The following KCNG2 variants were observed in gnomAD, a reference collection of about 807,000 sequenced individuals.
The protein encoded by KCNG2 is potassium voltage-gated channel modifier subfamily G member 2.
KCNG2 carries 7 observed loss-of-function variants against 12.3 expected under a neutral mutation model. The observed-to-expected ratio is 0.57, with a 90% CI of 0.32 to 1.07. KCNG2 has a LOEUF of 1.07. Ranked by LOEUF, KCNG2 falls within the 50% of genes least tolerant of loss-of-function variation. The probability of loss-of-function intolerance (pLI) is 0.04; values close to 1 mark genes in which losing one functional copy is unlikely to be tolerated. For missense variants in KCNG2, 703 were observed against 726.0 expected (o/e 0.97, Z 0.36); for synonymous variants, 414 against 351.4 (o/e 1.18, Z -1.99).
At chr18:79,890,934 C>G (rs1467071973) in intron 3 of KCNG2, among the ~76,000 whole-genome samples, 3 of 118,836 alleles carry the variant, frequency 2.5e-5, no homozygotes, top group Admixed American at 1.7e-4. Context: ...TGATTCTAGT[C>G]AATGGAATTT....
chr18:79,820,201 CTGTT>C (rs1377135194), intron 1 of KCNG2, among the ~76,000 whole-genome samples: 1 of 152,242 alleles, frequency 6.6e-6, no homozygotes, highest in Non-Finnish European at 1.5e-5. Context: ...CTTGTATCCT[CTGTT>C]TGAGTCCCTG....
Position 79,899,333 on chromosome 18 carries a change from G to A in KCNG2, c.918G>A (p.Leu306=), listed in dbSNP as rs764547058. ...TGATGCGCCTGGCGCGCCACTCGCT[G>A]GGGCTGCGTTCGCTGGGCCTGACCA... is the stretch of plus-strand genomic sequence containing the variant. The part of the protein sequence containing the change: ...LYVMRLARHS[L]GLRSLGLTMR... Residue 306 remains leucine (L), a synonymous_variant, in exon 4 of 4, where the codon CTG becomes CTA. Transcript: ENST00000316249. 1 of 1,552,662 alleles carries A rather than the reference G, an allele frequency of 6.4e-7. No individual in the cohort carries two copies. The highest frequency in any genetic ancestry group is 8.6e-7 in the Non-Finnish European group (1 of 1,158,186).
chr18:79,896,025 G>C (rs1236736083), intron 3 of KCNG2, among the ~76,000 whole-genome samples: 1 of 152,202 alleles, frequency 6.6e-6, no homozygotes, highest in East Asian at 1.9e-4. Flanking sequence ...GAGTGCAGTG[G>C]CACAATCTCT....
At chr18:79,801,358 C>T (rs981413374) in intron 1 of KCNG2, among the ~76,000 whole-genome samples, 1 of 152,256 alleles carries the variant, frequency 6.6e-6, no homozygotes, top group Non-Finnish European at 1.5e-5. Context: ...GCGTCCTCCT[C>T]CCCCGAGGGG....
rs954428789 is a variant in KCNG2, at chr18:79,899,573, G to A, written c.1158G>A (p.Ala386=). The A allele has an allele frequency of 4.6e-5, 73 of 1,600,070 alleles. No homozygotes were observed. The highest frequency in any genetic ancestry group is 3.1e-5 in the Non-Finnish European group (36 of 1,173,488). Residue 386 remains alanine (A), a synonymous_variant, in exon 4 of 4, where the codon GCG becomes GCA. Transcript: ENST00000316249. The part of the protein sequence containing the change: ...VPRSLPGQVV[A]LSSILSGILL... ...GCAGCCTGCCCGGGCAGGTGGTGGCGCTCAGCAGCATCCTCAGCGGCATCC... is the reference window on the plus strand; with the variant it reads ...GCAGCCTGCCCGGGCAGGTGGTGGCACTCAGCAGCATCCTCAGCGGCATCC...
intron 1 of KCNG2, among the ~76,000 whole-genome samples, chr18:79,821,873 T>G (rs978082845): frequency 6.6e-6 from 1 of 152,272 alleles, no homozygotes; most frequent in Non-Finnish European, 1.5e-5. Context: ...CCTCTATCAT[T>G]GCCCTTCTTT....
Position 79,863,677 on chromosome 18 carries a change from T to TG in KCNG2, c.12dup (p.Pro5AlafsTer56). 2.5e-6 allele frequency: 3 copies of TG among 1,203,862 alleles called. No homozygotes were observed. The highest frequency in any genetic ancestry group is 3.1e-6 in the Non-Finnish European group (3 of 970,406). The allele number at this position is 1,203,862 out of a possible 1,614,324, so 74.6% of individuals were successfully genotyped here. The stretch of plus-strand genomic sequence containing the variant: ...CGGTCCGGCCCTGCGCATGGAGCCA[T>TG]GGCCCTGCTCCCCGGGCGGCGGCGG... On this transcript the variant is annotated frameshift_variant, in exon 3 of 4. Coordinates refer to ENST00000316249, the MANE Select transcript of KCNG2 (RefSeq NM_012283.2). LOFTEE classifies it high-confidence loss of function.
At chr18:79,837,828 C>A (rs1978349233) in intron 1 of KCNG2, among the ~76,000 whole-genome samples, 2 of 152,186 alleles carry the variant, frequency 1.3e-5, no homozygotes, top group Admixed American at 1.3e-4. Context: ...AAAGTTGTGT[C>A]CACATTTTCA....
At chr18:79,875,286 A>G (rs1478212604) in intron 3 of KCNG2, among the ~76,000 whole-genome samples, 1 of 152,082 alleles carries the variant, frequency 6.6e-6, no homozygotes, top group Non-Finnish European at 1.5e-5. Flanking sequence ...CCAGAGCCCA[A>G]ATCTGAACAG....
At chr18:79,871,070 G>A (rs952243473) in intron 3 of KCNG2, among the ~76,000 whole-genome samples, 4 of 151,886 alleles carry the variant, frequency 2.6e-5, no homozygotes, top group East Asian at 1.9e-4. Flanking sequence ...GGTTTCCGTC[G>A]AGCCTGAGGC....
intron 2 of KCNG2, among the ~76,000 whole-genome samples, chr18:79,859,058 A>C (rs958213949): frequency 6.6e-6 from 1 of 152,028 alleles, no homozygotes; most frequent in African/African-American, 2.4e-5. Context: ...GATATACAAG[A>C]GTTTCATTGG....
chr18:79,837,284 C>T (rs1402096364), intron 1 of KCNG2, among the ~76,000 whole-genome samples: 1 of 152,236 alleles, frequency 6.6e-6, no homozygotes, highest in Non-Finnish European at 1.5e-5. Flanking sequence ...CTCCCATGGC[C>T]TTGGGCAGCT....
intron 3 of KCNG2, among the ~76,000 whole-genome samples, chr18:79,883,289 A>T (rs1381650187): frequency 6.6e-6 from 1 of 152,070 alleles, no homozygotes; most frequent in African/African-American, 2.4e-5. Context: ...GGCGGGGGGA[A>T]GCTGGGGGAG....
In KCNG2 at chr18:79,863,673, G is replaced by C; in HGVS notation, c.6G>C (p.Glu2Asp). 3 of 1,208,050 alleles carry C rather than the reference G, an allele frequency of 2.5e-6. No individual in the cohort carries two copies. The highest frequency in any genetic ancestry group is 3.1e-6 in the Non-Finnish European group (3 of 972,510). 74.8% of individuals were successfully genotyped at this position (1,208,050 alleles called of 1,614,324 possible). Reference sequence around the variant, plus strand: ...GGTCCGGTCCGGCCCTGCGCATGGAGCCATGGCCCTGCTCCCCGGGCGGCG... The same window carrying C: ...GGTCCGGTCCGGCCCTGCGCATGGACCCATGGCCCTGCTCCCCGGGCGGCG... M[E>D]PWPCSPGGGG... is the part of the protein sequence containing the mutation. Residue 2 changes from glutamate (E) to aspartate (D), a missense_variant, in exon 3 of 4, where the codon GAG becomes GAC. Glu to Asp is a conservative substitution (Grantham distance 45). Coordinates refer to ENST00000316249, the MANE Select transcript of KCNG2 (RefSeq NM_012283.2).
intron 1 of KCNG2, among the ~76,000 whole-genome samples, chr18:79,812,389 GA>G (rs1356516384): frequency 6.6e-6 from 1 of 152,078 alleles, no homozygotes; most frequent in Non-Finnish European, 1.5e-5. Flanking sequence ...AAAAAGTCCT[GA>G]AAAATCTCCA....
chr18:79,812,066 C>T (rs1373244302), intron 1 of KCNG2, among the ~76,000 whole-genome samples: 4 of 152,046 alleles, frequency 2.6e-5, no homozygotes, highest in Non-Finnish European at 5.9e-5. Context: ...AAAGAATGCC[C>T]CCAAAACCTC....
At chr18:79,801,500 C>T (rs2087409598) in intron 1 of KCNG2, among the ~76,000 whole-genome samples, 1 of 152,228 alleles carries the variant, frequency 6.6e-6, no homozygotes, top group Non-Finnish European at 1.5e-5. Flanking sequence ...GGAGGGGACG[C>T]ACATGCTGGG....
chr18:79,875,693 A>G (rs1429728876), intron 3 of KCNG2, among the ~76,000 whole-genome samples: 1 of 152,140 alleles, frequency 6.6e-6, no homozygotes, highest in African/African-American at 2.4e-5. Flanking sequence ...GGGAGGTGCA[A>G]GTCTGGCCAA....
intron 3 of KCNG2, among the ~76,000 whole-genome samples, chr18:79,877,834 T>G (rs542827230): frequency 6.6e-6 from 1 of 152,340 alleles, no homozygotes; most frequent in East Asian, 1.9e-4. Flanking sequence ...CCTCGCCTTC[T>G]GAGAAGGGCT....
Sources: gnomAD v4.1 joint callset for allele counts (sites outside exome capture counted in the v4.1 genomes callset) on GRCh38, gnomAD v4.1.1 for gene constraint, MANE v1.5 for transcripts, NCBI Gene and HGNC (gene_info 2026-07-23, HGNC 2026-07-21) for gene names.